FBXL17: variants seen among roughly 807,000 people sequenced by gnomAD.
The protein encoded by FBXL17 is F-box and leucine rich repeat protein 17.
A neutral mutation model predicts 66.2 loss-of-function variants in FBXL17; 22 were observed. The observed-to-expected ratio is 0.33, with a 90% CI of 0.24 to 0.47. The LOEUF is 0.47. FBXL17 is among the 20% of genes least tolerant of loss of function. FBXL17 has a pLI of 1.00. For synonymous variants in FBXL17, 474 were observed against 400.5 expected, an observed-to-expected ratio of 1.18 and a Z score of -2.19; for missense variants, 878 against 948.2, an observed-to-expected ratio of 0.93 and a Z score of 0.97.
Position 107,980,664 on chromosome 5 carries a change from A to ATATATATATATATATATATTTTTT in FBXL17, c.1822+40260_1822+40261insAAAAAATATATATATATATATATA. Among the ~76,000 whole-genome samples, 49 of 62,016 alleles carry ATATATATATATATATATATTTTTT rather than the reference A, an allele frequency of 7.9e-4. 2 individuals carry two copies. Among genetic ancestry groups the ATATATATATATATATATATTTTTT allele is most frequent in the South Asian group, 6.2e-3 (10 of 1,618 alleles). 40.7% of individuals were successfully genotyped at this position (62,016 alleles called of 152,430 possible). On this transcript the variant is annotated intron_variant, in intron 7 of 8. Coordinates refer to ENST00000542267, the MANE Select transcript of FBXL17 (RefSeq NM_001163315.3). ...TAAAATAATATATATATATATATAT[A>ATATATATATATATATATATTTTTT]TTTTTTTTTTGAGATGGAGTCTTGC...
chr5:108,018,529 G>A (rs1283838158), intron 7 of FBXL17, among the ~76,000 whole-genome samples: 1 of 152,126 alleles, frequency 6.6e-6, no homozygotes, highest in African/African-American at 2.4e-5. Flanking sequence ...AATAGCTATT[G>A]TAGTACGATC....
intron 4 of FBXL17, among the ~76,000 whole-genome samples, chr5:108,241,993 T>G (rs1469797576): frequency 1.3e-5 from 2 of 152,122 alleles, no homozygotes; most frequent in Non-Finnish European, 2.9e-5. Flanking sequence ...TCATCAACAC[T>G]AGATCTGTCC....
At chr5:108,179,385 T>C (rs1435919557) in intron 6 of FBXL17, among the ~76,000 whole-genome samples, 1 of 152,150 alleles carries the variant, frequency 6.6e-6, no homozygotes, top group African/African-American at 2.4e-5. Context: ...GAGTAATCTG[T>C]CACTCTACAA....
chr5:108,200,046 C>T (rs1263754346), intron 5 of FBXL17, among the ~76,000 whole-genome samples: 3 of 152,082 alleles, frequency 2.0e-5, no homozygotes, highest in Non-Finnish European at 4.4e-5. Flanking sequence ...GCTGAAGACA[C>T]AAAAGGAAGA....
intron 4 of FBXL17, among the ~76,000 whole-genome samples, chr5:108,243,445 A>G (rs901685782): frequency 2.6e-5 from 4 of 152,208 alleles, no homozygotes; most frequent in Non-Finnish European, 5.9e-5. Context: ...TTTAGAAAGC[A>G]CTTTTTGTCA....
chr5:108,310,653 G>A (rs1759070576), intron 4 of FBXL17, among the ~76,000 whole-genome samples: 1 of 152,078 alleles, frequency 6.6e-6, no homozygotes, highest in South Asian at 2.1e-4. Context: ...ATAACTTAGA[G>A]CTAGCTACTC....
intron 7 of FBXL17, among the ~76,000 whole-genome samples, chr5:107,935,951 G>A (rs1750895380): frequency 6.6e-6 from 1 of 152,228 alleles, no homozygotes; most frequent in South Asian, 2.1e-4. Flanking sequence ...ATCTGAGTGG[G>A]GCTGTAGGGT....
At chr5:108,035,068 C>A (rs1446643017) in intron 6 of FBXL17, among the ~76,000 whole-genome samples, 1 of 152,120 alleles carries the variant, frequency 6.6e-6, no homozygotes, top group African/African-American at 2.4e-5. Context: ...CTCCAAATTA[C>A]TCAATTGTTT....
chr5:108,331,757 A>C (rs764151071), intron 4 of FBXL17, among the ~76,000 whole-genome samples: 1 of 152,202 alleles, frequency 6.6e-6, no homozygotes, highest in Non-Finnish European at 1.5e-5. Context: ...CCCGTCACCT[A>C]ACAGAGTAAC....
chr5:108,010,431 C>A (rs915931261), intron 7 of FBXL17, among the ~76,000 whole-genome samples: 1 of 152,090 alleles, frequency 6.6e-6, no homozygotes, highest in African/African-American at 2.4e-5. Flanking sequence ...AGCTTTTAGT[C>A]CTTGAATGAG....
At chr5:108,000,413 T>C (rs1222869664) in intron 7 of FBXL17, among the ~76,000 whole-genome samples, 1 of 152,184 alleles carries the variant, frequency 6.6e-6, no homozygotes, top group Non-Finnish European at 1.5e-5. Context: ...GAATTCTATT[T>C]AGAGCTGCAT....
rs1412644290 is a variant in FBXL17, at chr5:108,154,606, A to AAATAT, written c.1745+31510_1745+31511insATATT. 3.1e-3 allele frequency among the ~76,000 whole-genome samples: 295 copies of AAATAT among 96,690 alleles called. 10 individuals are homozygous for AAATAT. The highest frequency in any genetic ancestry group is 0.012 in the African/African-American group (281 of 22,750). The allele number at this position is 96,690 out of a possible 152,430, so 63.4% of individuals were successfully genotyped here. On this transcript the variant is annotated intron_variant, in intron 6 of 8. Transcript: ENST00000542267. Reference sequence around the variant, plus strand: ...ACTCAGTTTCAAAAAAAAAAAAAAAAATATATATATACACACACACACACA... The same window carrying AAATAT: ...ACTCAGTTTCAAAAAAAAAAAAAAAAAATATATATATATATACACACACACACACA...
chr5:108,069,111 G>A (rs886868436), intron 6 of FBXL17, among the ~76,000 whole-genome samples: 3 of 152,094 alleles, frequency 2.0e-5, no homozygotes, highest in Non-Finnish European at 4.4e-5. Flanking sequence ...CAGTCTACAG[G>A]AAGAAATATT....
chr5:108,038,715 A>T (rs1746940331), intron 6 of FBXL17, among the ~76,000 whole-genome samples: 1 of 152,128 alleles, frequency 6.6e-6, no homozygotes, highest in South Asian at 2.1e-4. Flanking sequence ...CATATATTTG[A>T]TAAAGGCAAT....
intron 7 of FBXL17, among the ~76,000 whole-genome samples, chr5:107,931,802 T>A (rs1022106756): frequency 2.3e-4 from 35 of 152,208 alleles, no homozygotes; most frequent in African/African-American, 8.4e-4. Context: ...ATTAGAAACA[T>A]AAATTCAAGT....
intron 6 of FBXL17, among the ~76,000 whole-genome samples, chr5:108,150,086 T>C (rs1751711366): frequency 6.6e-6 from 1 of 152,218 alleles, no homozygotes. Context: ...TCATACATTT[T>C]TCTTTGCAAA....
intron 7 of FBXL17, among the ~76,000 whole-genome samples, chr5:107,911,534 C>T (rs1392982212): frequency 2.0e-5 from 3 of 152,012 alleles, no homozygotes; most frequent in Non-Finnish European, 4.4e-5. Context: ...CACCTTGCAG[C>T]AATCTATAAG....
At chr5:108,237,178 A>G (rs1412545963) in intron 4 of FBXL17, among the ~76,000 whole-genome samples, 2 of 152,320 alleles carry the variant, frequency 1.3e-5, no homozygotes, top group Admixed American at 1.3e-4. Context: ...TGAAGGGTTT[A>G]TTTCACTTAG....
rs142698914 is a variant in FBXL17, at chr5:108,317,444, T to C, written c.1506+30955A>G. Among the ~76,000 whole-genome samples the C allele has an allele frequency of 3.9e-3, 582 of 151,006 alleles. 1 individual carries two copies. The highest frequency in any genetic ancestry group is 0.013 in the African/African-American group (556 of 41,390). On this transcript the variant is annotated intron_variant, in intron 4 of 8. Transcript: ENST00000542267. ...CCTGATTTGATCATTACACATTGCA[T>C]GCAGGTATCAAAAAAACCACATGTA...
Sources: allele counts gnomAD v4.1 joint callset (sites outside exome capture counted in the v4.1 genomes callset), GRCh38; gene constraint gnomAD v4.1.1; transcripts MANE v1.5; gene names NCBI Gene and HGNC (gene_info 2026-07-23, HGNC 2026-07-21).